Variants in SLIT3 observed in about 807,000 individuals in gnomAD.
SLIT3 encodes slit homolog 3 protein.
SLIT3 carries 68 observed loss-of-function variants against 184.0 expected under a neutral mutation model. The observed-to-expected ratio is 0.37, with a 90% CI of 0.30 to 0.45. SLIT3 has a LOEUF of 0.45. Among genes scored for constraint, SLIT3 ranks in the 20% least tolerant of loss-of-function variants. The pLI is 1.00. For missense variants in SLIT3, 1,707 were observed against 2,026.0 expected (o/e 0.84, Z 3.02); for synonymous variants, 831 against 828.6 (o/e 1.00, Z -0.05).
intron 4 of SLIT3, among the ~76,000 whole-genome samples, chr5:168,946,273 C>A (rs369485050): frequency 5.3e-5 from 8 of 152,162 alleles, no homozygotes; most frequent in Non-Finnish European, 1.0e-4. Flanking sequence ...CTCAGTTGAC[C>A]CCAGTCCTCT....
At chr5:168,947,700 G>A (rs1762525386) in intron 4 of SLIT3, among the ~76,000 whole-genome samples, 1 of 152,214 alleles carries the variant, frequency 6.6e-6, no homozygotes. Flanking sequence ...CACATGCAGG[G>A]CCTGAGGCTG....
intron 9 of SLIT3, among the ~76,000 whole-genome samples, chr5:168,800,715 G>A (rs1279214761): frequency 6.6e-6 from 1 of 152,242 alleles, no homozygotes; most frequent in Non-Finnish European, 1.5e-5. Context: ...CCTGTGCTGT[G>A]TGTAGACACC....
chr5:168,967,601 G>A lies in SLIT3; in HGVS notation c.414-84265C>T, dbSNP rs368491897. ...ACTACAGGCGCCCGCCACTACGCCC[G>A]GCTAATCTTTTTGTATTTTTAGTAG... is the stretch of plus-strand genomic sequence containing the variant. On this transcript the variant is annotated intron_variant, in intron 4 of 35. Coordinates refer to ENST00000519560, the MANE Select transcript of SLIT3 (RefSeq NM_003062.4). 8.8e-4 allele frequency among the ~76,000 whole-genome samples: 126 copies of A among 143,808 alleles called. 1 individual carries two copies. Among genetic ancestry groups the A allele is most frequent in the African/African-American group, 2.9e-3 (116 of 39,566 alleles). The allele number at this position is 143,808 out of a possible 152,430, so 94.3% of individuals were successfully genotyped here. A position where few individuals can be genotyped will look rare whatever the true frequency, so the allele number is the denominator to read the frequency against.
chr5:168,681,961 G>T (rs1181362249), intron 32 of SLIT3, among the ~76,000 whole-genome samples: 2 of 152,218 alleles, frequency 1.3e-5, no homozygotes, highest in Non-Finnish European at 2.9e-5. Context: ...GGGGGAGGGG[G>T]AAAAACTGAG....
intron 1 of SLIT3, among the ~76,000 whole-genome samples, chr5:169,265,818 CAAGT>C (rs1192079563): frequency 6.6e-6 from 1 of 152,160 alleles, no homozygotes; most frequent in Non-Finnish European, 1.5e-5. Context: ...AATGTGAGCA[CAAGT>C]AAGATGATGA....
intron 8 of SLIT3, 38 bp downstream of exon 8, chr5:168,817,262 C>T: frequency 6.2e-7 from 1 of 1,603,674 alleles, no homozygotes; most frequent in East Asian, 2.2e-5. Context: ...GTGGGTGGGT[C>T]ATAGCACAGG....
intron 1 of SLIT3, among the ~76,000 whole-genome samples, chr5:169,294,058 C>T (rs1411559247): frequency 1.3e-5 from 2 of 152,148 alleles, no homozygotes; most frequent in Non-Finnish European, 2.9e-5. Flanking sequence ...CAGCAGTGGT[C>T]CAGATGAGCT....
intron 4 of SLIT3, among the ~76,000 whole-genome samples, chr5:169,078,341 T>C (rs1561648073): frequency 1.3e-5 from 2 of 152,162 alleles, no homozygotes; most frequent in Non-Finnish European, 2.9e-5. Context: ...GTTTTGTACC[T>C]AAGGCATGTC....
rs546424273 is a variant in SLIT3 at position 168,955,130 on chromosome 5, C to T, written c.414-71794G>A. On this transcript the variant is annotated intron_variant, in intron 4 of 35. Coordinates refer to ENST00000519560, the MANE Select transcript of SLIT3 (RefSeq NM_003062.4). Reference sequence around the variant, plus strand: ...GGGGTGGGGGTGAGGCCCAGCTTACCGGGTGTTGCCTATTTAATTTTGATG... The same window carrying T: ...GGGGTGGGGGTGAGGCCCAGCTTACTGGGTGTTGCCTATTTAATTTTGATG... 9.0e-4 allele frequency among the ~76,000 whole-genome samples: 137 copies of T among 152,084 alleles called. No homozygotes were observed. In the South Asian group the frequency reaches 0.015, roughly 17 times the overall value.
chr5:169,054,624 A>C (rs1757926305), intron 4 of SLIT3, among the ~76,000 whole-genome samples: 1 of 152,116 alleles, frequency 6.6e-6, no homozygotes. Flanking sequence ...TAATTATTTC[A>C]AAGTAAAGTC....
At chr5:168,909,800 G>A (rs149455190) in intron 4 of SLIT3, among the ~76,000 whole-genome samples, 111 of 152,276 alleles carry the variant, frequency 7.3e-4, no homozygotes, top group African/African-American at 2.4e-3. Context: ...GTTTGAGCAC[G>A]TTTTAAGGGA....
chr5:169,045,466 A>T (rs1468685531), intron 4 of SLIT3, among the ~76,000 whole-genome samples: 1 of 150,912 alleles, frequency 6.6e-6, no homozygotes, highest in African/African-American at 2.4e-5. Flanking sequence ...GATGTAGTTT[A>T]TTTCCTGGAA....
intron 5 of SLIT3, among the ~76,000 whole-genome samples, chr5:168,882,629 C>G (rs2113788515): frequency 6.6e-6 from 1 of 152,196 alleles, no homozygotes; most frequent in South Asian, 2.1e-4. Context: ...TCAGATGCTA[C>G]CATTGGAGGA....
intron 32 of SLIT3, among the ~76,000 whole-genome samples, chr5:168,680,852 G>C (rs1761568311): frequency 6.6e-6 from 1 of 152,072 alleles, no homozygotes; most frequent in Non-Finnish European, 1.5e-5. Flanking sequence ...GGTCCTCCAA[G>C]CAAAAATATT....
chr5:168,969,373 G>A lies in SLIT3; in HGVS notation c.414-86037C>T, dbSNP rs1001045257. On this transcript the variant is annotated intron_variant, in intron 4 of 35. Coordinates refer to ENST00000519560, the MANE Select transcript of SLIT3 (RefSeq NM_003062.4). ...CCTCAGTTGACATGTTGTACTTTGA[G>A]CTGCCTACTGCCCGGGAGTCAGCGT... is the stretch of plus-strand genomic sequence containing the variant. Among the ~76,000 whole-genome samples the A allele has an allele frequency of 2.6e-5, 4 of 152,224 alleles. No individual in the cohort carries two copies. In the South Asian group the frequency reaches 8.3e-4, roughly 32 times the overall value.
At chr5:168,919,950 C>G (rs920111369) in intron 4 of SLIT3, among the ~76,000 whole-genome samples, 6 of 152,152 alleles carry the variant, frequency 3.9e-5, no homozygotes, top group Non-Finnish European at 8.8e-5. Flanking sequence ...GTACCTTCCT[C>G]TGAGAAGAGT....
At chr5:168,844,860 A>G in intron 5 of SLIT3, 1 of 530,362 alleles carries the variant, frequency 1.9e-6, no homozygotes, top group Non-Finnish European at 3.4e-6. Flanking sequence ...CGAGCGCACC[A>G]AAAGGCTGTC....
At position 168,717,387 on chromosome 5, in the gene SLIT3, C is replaced by G. The variant is rs528383806; in HGVS notation, c.2483+4869G>C. On this transcript the variant is annotated intron_variant, in intron 23 of 35. Coordinates refer to ENST00000519560, the MANE Select transcript of SLIT3 (RefSeq NM_003062.4). ...CAGTGCTGATTATTAACCTTCCTTT[C>G]AGAAAGCCTTTTGGGTGGCTAAGAC... Among the ~76,000 whole-genome samples, 105 of 151,300 alleles carry G rather than the reference C, an allele frequency of 6.9e-4. No individual in the cohort carries two copies. The Middle Eastern group carries it at 0.01, about 15-fold the overall frequency.
chr5:169,055,048 C>T (rs1215281716), intron 4 of SLIT3, among the ~76,000 whole-genome samples: 1 of 152,148 alleles, frequency 6.6e-6, no homozygotes, highest in East Asian at 1.9e-4. Flanking sequence ...TCTTGTTAAA[C>T]AGATGACTTT....
Sources: gnomAD v4.1 joint callset for allele counts (sites outside exome capture counted in the v4.1 genomes callset) on GRCh38, gnomAD v4.1.1 for gene constraint, MANE v1.5 for transcripts, NCBI Gene and HGNC (gene_info 2026-07-23, HGNC 2026-07-21) for gene names.